The following PTPN13 variants were observed in gnomAD, a reference collection of about 807,000 sequenced individuals.
The protein encoded by PTPN13 is protein tyrosine phosphatase non-receptor type 13.
In PTPN13, 191 loss-of-function variants were observed where a neutral mutation model predicts 284.0. The ratio of observed to expected loss-of-function variants is 0.67; its 90% CI spans 0.60 to 0.76. The LOEUF (loss-of-function observed/expected upper bound fraction) is 0.76, where lower values mean the gene tolerates loss of function less well. Ranked by LOEUF, PTPN13 falls within the 30% of genes least tolerant of loss-of-function variation. The pLI, the probability that PTPN13 is intolerant of heterozygous loss-of-function variation, is 0.00. For synonymous variants in PTPN13, 986 were observed against 1,022.3 expected (o/e 0.96, Z 0.68); for missense variants, 2,797 against 2,939.9 (o/e 0.95, Z 1.12).
intron 47 of PTPN13, among the ~76,000 whole-genome samples, chr4:86,812,081 C>T (rs1044659656): frequency 7.9e-5 from 12 of 151,882 alleles, no homozygotes; most frequent in South Asian, 2.1e-4. Context: ...GAGGCCGAGG[C>T]GGGCGGATCA....
At chr4:86,632,005 TATC>T (rs1468255667) in intron 1 of PTPN13, among the ~76,000 whole-genome samples, 4 of 152,110 alleles carry the variant, frequency 2.6e-5, no homozygotes, top group Non-Finnish European at 5.9e-5. Context: ...ATACATAACA[TATC>T]ATCATAAGCA....
At chr4:86,776,832 T>C (rs958429116) in intron 35 of PTPN13, among the ~76,000 whole-genome samples, 2 of 152,238 alleles carry the variant, frequency 1.3e-5, no homozygotes, top group African/African-American at 2.4e-5. Flanking sequence ...TGTATGAGTA[T>C]TCAAAGTATG....
At chr4:86,721,984 C>A (rs535134470) in intron 9 of PTPN13, among the ~76,000 whole-genome samples, 3 of 151,762 alleles carry the variant, frequency 2.0e-5, no homozygotes, top group Admixed American at 6.6e-5. Flanking sequence ...TGGACTCAAG[C>A]GATCCAACCG....
At position 86,627,508 on chromosome 4, in the gene PTPN13, G is replaced by GTT. The variant is rs35106750; in HGVS notation, c.-5-7734_-5-7733dup. Reference sequence around the variant, plus strand: ...CACCTTTGATTGGGTTTAGTTTTTGGTTTTTTTTTTTCTTTTTAACAGCTT... The same window carrying GTT: ...CACCTTTGATTGGGTTTAGTTTTTGGTTTTTTTTTTTTTCTTTTTAACAGCTT... On this transcript the variant is annotated intron_variant, in intron 1 of 47. Coordinates refer to ENST00000411767, the MANE Select transcript of PTPN13 (RefSeq NM_080683.3). 2.7e-5 allele frequency among the ~76,000 whole-genome samples: 4 copies of GTT among 147,420 alleles called. No homozygotes were observed. The South Asian group carries it at 6.5e-4, about 24-fold the overall frequency.
intron 1 of PTPN13, among the ~76,000 whole-genome samples, chr4:86,617,980 T>A (rs1052908736): frequency 2.0e-5 from 3 of 152,134 alleles, no homozygotes; most frequent in African/African-American, 4.8e-5. Flanking sequence ...TTTTGGTGTT[T>A]TAGACATGAA....
At chr4:86,617,022 T>A (rs1283987964) in intron 1 of PTPN13, among the ~76,000 whole-genome samples, 2 of 140,160 alleles carry the variant, frequency 1.4e-5, no homozygotes, top group African/African-American at 5.3e-5. Flanking sequence ...GAGTAGGAAT[T>A]TAAAATTTTT....
chr4:86,666,311 C>CATTAAG (rs113975260), intron 2 of PTPN13, among the ~76,000 whole-genome samples: 1 of 152,130 alleles, frequency 6.6e-6, no homozygotes, highest in African/African-American at 2.4e-5. Context: ...CGTAGACTTG[C>CATTAAG]ATTAAGGACA....
intron 2 of PTPN13, among the ~76,000 whole-genome samples, chr4:86,637,098 C>T (rs553068147): frequency 6.6e-6 from 1 of 152,084 alleles, no homozygotes; most frequent in Non-Finnish European, 1.5e-5. Flanking sequence ...ATAAATTCCT[C>T]GACACATACA....
At chr4:86,659,434 T>A (rs1726222154) in intron 2 of PTPN13, among the ~76,000 whole-genome samples, 1 of 152,156 alleles carries the variant, frequency 6.6e-6, no homozygotes, top group Non-Finnish European at 1.5e-5. Context: ...ACTTAGAAGT[T>A]TTCCAATATC....
In PTPN13 at chr4:86,701,542, C is replaced by T. The variant is rs1000116504; in HGVS notation, c.936C>T (p.Asp312=). Residue 312 remains aspartate, a synonymous_variant, in exon 7 of 48, where the codon GAC becomes GAT. Coordinates refer to ENST00000411767, the MANE Select transcript of PTPN13 (RefSeq NM_080683.3). The part of the protein sequence containing the change: ...SMDLLCTADR[D]FSSGETATYR... ...ACTTGCTTTGTACAGCTGACAGAGA[C>T]TTCTCTTCAGGAGAGACTGCCACAT... 4 of 1,613,956 alleles carry T rather than the reference C, an allele frequency of 2.5e-6. No individual in the cohort carries two copies. The Admixed American group carries it at 5.0e-5, about 20-fold the overall frequency.
Position 86,782,212 on chromosome 4 carries a change from G to A in PTPN13, c.5974G>A (p.Val1992Met). The A allele has an allele frequency of 1.2e-6, 2 of 1,607,176 alleles. No individual in the cohort carries two copies. Among genetic ancestry groups the A allele is most frequent in the African/African-American group, 2.7e-5 (2 of 74,846 alleles). The change falls in exon 37 of 48, where the codon GTG becomes ATG. Residue 1992 changes from valine to methionine, a missense_variant. By Grantham distance (21) the Val-to-Met change is conservative. Transcript: ENST00000411767. ...KSTKGNGSYS[V>M]GSCSQPALTP... ...TATTGTCCTTTCAGGTTCCTACAGT[G>A]TGGGGTCTTGCAGCCAGCCTGCCCT...
rs759784072 is a variant in PTPN13 at position 86,705,333 on chromosome 4, C to CAAAAAAAAAAAAAAAAAAAA, written c.1195+3547_1195+3548insAAAAAAAAAAAAAAAAAAAA. ...TGGGTGACAGAGCAAGACTCCGTCT[C>CAAAAAAAAAAAAAAAAAAAA]AAAAAAAAAAAAAAAGACATGCGCA... On this transcript the variant is annotated intron_variant, in intron 7 of 47. Coordinates refer to ENST00000411767, the MANE Select transcript of PTPN13 (RefSeq NM_080683.3). 8.4e-5 allele frequency among the ~76,000 whole-genome samples: 8 copies of CAAAAAAAAAAAAAAAAAAAA among 95,380 alleles called. 1 individual carries two copies. The highest frequency in any genetic ancestry group is 1.1e-4 in the Non-Finnish European group (5 of 46,384). 62.6% of individuals were successfully genotyped at this position (95,380 alleles called of 152,430 possible).
intron 2 of PTPN13, among the ~76,000 whole-genome samples, chr4:86,656,940 G>A (rs973742907): frequency 1.2e-4 from 18 of 152,172 alleles, no homozygotes; most frequent in African/African-American, 3.9e-4. Flanking sequence ...GCCCATCCCC[G>A]AGCCTCGCTG....
intron 17 of PTPN13, among the ~76,000 whole-genome samples, chr4:86,750,145 C>A (rs1317795499): frequency 3.3e-5 from 5 of 152,254 alleles, no homozygotes; most frequent in Non-Finnish European, 7.4e-5. Flanking sequence ...AAATGTCATT[C>A]TCATTTCTAA....
intron 23 of PTPN13, among the ~76,000 whole-genome samples, chr4:86,760,793 T>C (rs1738579983): frequency 6.6e-6 from 1 of 152,038 alleles, no homozygotes; most frequent in African/African-American, 2.4e-5. Context: ...ACCTGTGAAA[T>C]TGTTTCTTCA....
intron 5 of PTPN13, among the ~76,000 whole-genome samples, chr4:86,691,955 A>G (rs1730073974): frequency 1.3e-5 from 2 of 152,198 alleles, no homozygotes; most frequent in South Asian, 2.1e-4. Context: ...TTTGGACCAC[A>G]ATTTTACTTA....
chr4:86,746,197 T>G (rs781712409), intron 17 of PTPN13, among the ~76,000 whole-genome samples: 1 of 152,142 alleles, frequency 6.6e-6, no homozygotes, highest in Non-Finnish European at 1.5e-5. Context: ...GGAAAAAATA[T>G]CTCAATCAGA....
chr4:86,624,120 T>C (rs961608095), intron 1 of PTPN13, among the ~76,000 whole-genome samples: 6 of 152,158 alleles, frequency 3.9e-5, no homozygotes, highest in Admixed American at 3.3e-4. Context: ...GAATTAATAA[T>C]CTAGTTGGTG....
chr4:86,607,495 T>G (rs879389771), intron 1 of PTPN13, among the ~76,000 whole-genome samples: 2 of 151,982 alleles, frequency 1.3e-5, no homozygotes, highest in Non-Finnish European at 2.9e-5. Context: ...GTACACGCAA[T>G]CCTGTGAAGT....
Sources: gnomAD v4.1 joint callset for allele counts (sites outside exome capture counted in the v4.1 genomes callset) on GRCh38, gnomAD v4.1.1 for gene constraint, MANE v1.5 for transcripts, NCBI Gene and HGNC (gene_info 2026-07-23, HGNC 2026-07-21) for gene names.